The following C1orf116 variants were observed in gnomAD, a reference collection of about 807,000 sequenced individuals.
C1orf116 encodes the protein specifically androgen-regulated gene protein.
C1orf116 carries 12 observed loss-of-function variants against 14.1 expected under a neutral mutation model. The observed-to-expected ratio is 0.85, with a 90% CI of 0.54 to 1.38. The LOEUF is 1.38. Ranked by LOEUF, C1orf116 falls within the 40% of genes most tolerant of loss-of-function variation. C1orf116 has a pLI of 0.00. For synonymous variants in C1orf116, 296 were observed against 299.0 expected, an observed-to-expected ratio of 0.99 and a Z score of 0.10; for missense variants, 797 against 747.0, an observed-to-expected ratio of 1.07 and a Z score of -0.78.
rs1228215037 is a variant in C1orf116 at position 207,022,644 on chromosome 1, T to G, written c.1120A>C (p.Ile374Leu). ...TGGGCCCGTGTCTCCTTGGGTCTGA[T>G]GGAGCTGGTGGGCTTACTTAAGTGG... The part of the protein sequence containing the change: ...GLHLSKPTSS[I>L]RPKETRAQHL... Residue 374 changes from isoleucine to leucine, a missense_variant, in exon 4 of 4, where the codon ATC becomes CTC. Transcript: ENST00000359470. 4.3e-6 allele frequency: 7 copies of G among 1,614,094 alleles called. No individual in the cohort carries two copies. The highest frequency in any genetic ancestry group is 4.2e-6 in the Non-Finnish European group (5 of 1,180,034).
chr1:207,023,748 A>G (rs1327490009), intron 3 of C1orf116, among the ~76,000 whole-genome samples: 1 of 152,226 alleles, frequency 6.6e-6, no homozygotes, highest in East Asian at 1.9e-4. Flanking sequence ...AGGCCAAAGC[A>G]AGTGGATCAT....
At chr1:207,030,444 T>G (rs1572699870) in intron 1 of C1orf116, among the ~76,000 whole-genome samples, 1 of 152,202 alleles carries the variant, frequency 6.6e-6, no homozygotes, top group Non-Finnish European at 1.5e-5. Flanking sequence ...ATCATCTGCT[T>G]CAGCTTTATA....
At chr1:207,023,991 T>A (rs1053201905) in intron 3 of C1orf116, among the ~76,000 whole-genome samples, 1 of 152,252 alleles carries the variant, frequency 6.6e-6, no homozygotes, top group African/African-American at 2.4e-5. Context: ...GCCTCCCAGA[T>A]AACTGAGCCC....
In C1orf116 at chr1:207,022,333, C is replaced by A; in HGVS notation, c.1431G>T (p.Met477Ile). ...QESNTPGLRQ[M>I]NFKSNTLERS... The stretch of plus-strand genomic sequence containing the variant: ...GCTCCAGAGTGTTGGACTTGAAGTT[C>A]ATCTGTCTCAGGCCAGGGGTGTTGC... The change falls in exon 4 of 4, where the codon ATG (methionine) becomes ATT (isoleucine). Residue 477 changes from methionine to isoleucine, a missense_variant. Transcript: ENST00000359470. 1 of 1,613,762 alleles carries A rather than the reference C, an allele frequency of 6.2e-7. No individual in the cohort carries two copies. The highest frequency in any genetic ancestry group is 1.1e-5 in the South Asian group (1 of 91,024).
chr1:207,024,675 T>C (rs1234073093), intron 3 of C1orf116, among the ~76,000 whole-genome samples: 2 of 152,182 alleles, frequency 1.3e-5, no homozygotes, highest in African/African-American at 2.4e-5. Context: ...TGATACTTCA[T>C]AGACAGACAT....
intron 1 of C1orf116, among the ~76,000 whole-genome samples, chr1:207,029,036 C>G (rs934895949): frequency 6.6e-6 from 1 of 152,178 alleles, no homozygotes; most frequent in African/African-American, 2.4e-5. Context: ...CAGATGTCCT[C>G]TTGGCCTCTG....
chr1:207,027,744 G>A, intron 1 of C1orf116, 65 bp from the exon 2 acceptor site: 3 of 1,441,502 alleles, frequency 2.1e-6, no homozygotes, highest in Admixed American at 2.5e-5. Flanking sequence ...CCCAGGCCCT[G>A]GGCGGCATGG....
intron 2 of C1orf116, among the ~76,000 whole-genome samples, chr1:207,025,979 G>A (rs1682063203): frequency 6.6e-6 from 1 of 152,204 alleles, no homozygotes; most frequent in Non-Finnish European, 1.5e-5. Context: ...GGGGCTAGAA[G>A]TTTGCTGGAA....
chr1:207,023,578 C>CTG, intron 3 of C1orf116, 98 bp from the exon 4 acceptor site: 1 of 1,450,042 alleles, frequency 6.9e-7, no homozygotes, highest in East Asian at 2.4e-5. Context: ...TTCCTGAACT[C>CTG]TGATCCCAAA....
chr1:207,022,228 G>A lies in C1orf116; in HGVS notation c.1536C>T (p.Gly512=). ...TGGGCGAGATCTTGTCCAAGAAGGA[G>A]CCCTTTCCCAGAGAAGTGCTGGTTT... ...SPKTSTSLGK[G]SFLDKISPSV... Residue 512 remains glycine, a synonymous_variant, in exon 4 of 4, where the codon GGC becomes GGT. Transcript: ENST00000359470. 1.2e-6 allele frequency: 2 copies of A among 1,614,018 alleles called. No individual in the cohort carries two copies. The highest frequency in any genetic ancestry group is 1.1e-5 in the South Asian group (1 of 91,050).
rs201860382 is a variant in C1orf116 at position 207,023,164 on chromosome 1, C to A, written c.600G>T (p.Pro200=). The A allele has an allele frequency of 4.3e-6, 7 of 1,610,234 alleles. No individual in the cohort carries two copies. Among genetic ancestry groups the A allele is most frequent in the Non-Finnish European group, 5.1e-6 (6 of 1,178,204 alleles). ...ALDLDVVLIP[P]PEAFRDTQPE... is the part of the protein sequence containing the mutation. ...GCTGGGTGTCCCGGAAAGCTTCTGG[C>A]GGAGGGATGAGCACCACGTCCAAGT... The change falls in exon 4 of 4, where the codon CCG becomes CCT. Residue 200 remains proline, a synonymous_variant. Transcript: ENST00000359470.
At chr1:207,027,398 T>C (rs1682111637) in intron 2 of C1orf116, 96 bp downstream of exon 2, 10 of 1,468,518 alleles carry the variant, frequency 6.8e-6, no homozygotes, top group Non-Finnish European at 9.4e-6. Flanking sequence ...GAAGGTGCAG[T>C]GAGCCAGGAT....
chr1:207,027,923 C>T (rs753042838), intron 1 of C1orf116, among the ~76,000 whole-genome samples: 4 of 152,222 alleles, frequency 2.6e-5, no homozygotes, highest in Non-Finnish European at 5.9e-5. Context: ...TACTACTTCT[C>T]TTACATTTTT....
Position 207,024,984 on chromosome 1 carries a change from G to A in C1orf116, c.186C>T (p.Asp62=). Residue 62 remains aspartate (D), a synonymous_variant, in exon 3 of 4, where the codon GAC becomes GAT. Transcript: ENST00000359470. ...LFLEETIGSL[D]TEADSGLSTD... ...TGGACAGTCCGCTGTCAGCCTCCGT[G>A]TCCAGTGAGCCAATGGTCTCCTCCA... The A allele has an allele frequency of 1.9e-6, 3 of 1,613,360 alleles. No homozygotes were observed. The highest frequency in any genetic ancestry group is 1.7e-6 in the Non-Finnish European group (2 of 1,179,822).
chr1:207,027,648 C>A lies in C1orf116; in HGVS notation c.-50G>T, dbSNP rs754865414. ...GCAAAGGGGGCTTCTAGAGGGGAAG[C>A]GAGGGGAAGTGAACAATGTCCCAAG... On this transcript the variant is annotated 5_prime_UTR_variant, in exon 2 of 4. Transcript: ENST00000359470. 6.3e-7 allele frequency: 1 copy of A among 1,599,840 alleles called. No individual in the cohort carries two copies. The highest frequency in any genetic ancestry group is 1.7e-4 in the Middle Eastern group (1 of 6,052).
At chr1:207,025,188 C>G (rs1682041794) in intron 2 of C1orf116, 124 bp from the exon 3 acceptor site, 1 of 710,832 alleles carries the variant, frequency 1.4e-6, no homozygotes, top group Admixed American at 2.2e-5. Context: ...GGCCTGAGAA[C>G]CACCCTGCAG....
chr1:207,021,731 C>CCACACACACACCAAACA lies in C1orf116; in HGVS notation c.*210_*226dup. 2.4e-6 allele frequency: 1 copy of CCACACACACACCAAACA among 415,980 alleles called. No homozygotes were observed. The allele number at this position is 415,980 out of a possible 1,614,324, so 25.8% of individuals were successfully genotyped here. The stretch of plus-strand genomic sequence containing the variant: ...AGTGATGTATCCAGCGGCCCCCCCT[C>CCACACACACACCAAACA]CACACACACACCAAACACACACACA... On this transcript the variant is annotated 3_prime_UTR_variant, in exon 4 of 4. Transcript: ENST00000359470.
chr1:207,023,147 T>G lies in C1orf116; in HGVS notation c.617A>C (p.Asp206Ala). 1 of 1,611,918 alleles carries G rather than the reference T, an allele frequency of 6.2e-7. No homozygotes were observed. Among genetic ancestry groups the G allele is most frequent in the Non-Finnish European group, 8.5e-7 (1 of 1,179,028 alleles). Residue 206 changes from aspartate (D) to alanine (A), a missense_variant, in exon 4 of 4, where the codon GAC becomes GCC. Physicochemically the swap from Asp to Ala is moderately radical, Grantham distance 126. Transcript: ENST00000359470. ...VLIPPPEAFR[D>A]TQPEQCREAS... ...TTCCCTACACTGCTCTGGCTGGGTG[T>G]CCCGGAAAGCTTCTGGCGGAGGGAT...
rs770869761 is a variant in C1orf116, at chr1:207,025,068, T to C, written c.106-4A>G. The C allele has an allele frequency of 1.4e-5, 15 of 1,092,338 alleles. No individual in the cohort carries two copies. The highest frequency in any genetic ancestry group is 9.9e-5 in the Admixed American group (4 of 40,548). The allele number at this position is 1,092,338 out of a possible 1,614,324, so 67.7% of individuals were successfully genotyped here. A position where few individuals can be genotyped will look rare whatever the true frequency, so the allele number is the denominator to read the frequency against. ...GGAAGTCGTAGCTGCTATCACTCTG[T>C]TGGGTTTGGGGTTGGGGGCGGGGGC... On this transcript the variant is annotated splice_region_variant and splice_polypyrimidine_tract_variant and intron_variant, in intron 2 of 3. Transcript: ENST00000359470.
Sources: allele counts gnomAD v4.1 joint callset (sites outside exome capture counted in the v4.1 genomes callset), GRCh38; gene constraint gnomAD v4.1.1; transcripts MANE v1.5; gene names NCBI Gene and HGNC (gene_info 2026-07-23, HGNC 2026-07-21).